CDC14B: variants seen among roughly 807,000 people sequenced by gnomAD.
CDC14B encodes dual specificity protein phosphatase CDC14B.
In CDC14B, 22 loss-of-function variants were observed where a neutral mutation model predicts 64.2. The ratio of observed to expected loss-of-function variants is 0.34; its 90% CI spans 0.24 to 0.49. The LOEUF (loss-of-function observed/expected upper bound fraction) is 0.49, where lower values mean the gene tolerates loss of function less well. CDC14B is among the 20% of genes least tolerant of loss of function. The probability of loss-of-function intolerance (pLI) is 0.99; values close to 1 mark genes in which losing one functional copy is unlikely to be tolerated. For synonymous variants in CDC14B, 191 were observed against 215.8 expected (o/e 0.89, Z 1.01); for missense variants, 498 against 629.9 (o/e 0.79, Z 2.24).
At chr9:96,498,926 G>A (rs2131196091), downstream of CDC14B, among the ~76,000 whole-genome samples, 1 of 152,378 alleles carries the variant, frequency 6.6e-6, no homozygotes, top group African/African-American at 2.4e-5. Flanking sequence ...GGTCCCTGCA[G>A]CCTGCTGCCT....
At chr9:96,551,109 TGC>T (rs1167386126) in intron 5 of CDC14B, among the ~76,000 whole-genome samples, 9 of 123,440 alleles carry the variant, frequency 7.3e-5, no homozygotes, top group African/African-American at 1.7e-4. Flanking sequence ...TTTTGGGGTT[TGC>T]TTTTTTTTTT....
At chr9:96,545,987 G>A (rs1337152120) in intron 5 of CDC14B, among the ~76,000 whole-genome samples, 2 of 152,190 alleles carry the variant, frequency 1.3e-5, no homozygotes, top group East Asian at 3.9e-4. Context: ...GGGCAGTGGG[G>A]AGGGATCCTT....
At position 96,619,232 on chromosome 9, in the gene CDC14B, G is replaced by A. The variant is rs778736639; in HGVS notation, c.147C>T (p.Tyr49=). Residue 49 remains tyrosine (Y), a synonymous_variant, in exon 1 of 14, where the codon TAC becomes TAT. Coordinates refer to ENST00000375241, the MANE Select transcript of CDC14B (RefSeq NM_033331.4). ...TGGCCGGCTCACCGGTGATGTCCAG[G>A]TACACGTCGTCCTGGGGGTCCCGGC... is the stretch of plus-strand genomic sequence containing the variant. ...PRRRDPQDDV[Y]LDITDRLCFA... is the part of the protein sequence containing the mutation. 44 of 1,346,182 alleles carry A rather than the reference G, an allele frequency of 3.3e-5. No individual in the cohort carries two copies. Among genetic ancestry groups the A allele is most frequent in the Non-Finnish European group, 4.1e-5 (43 of 1,044,290 alleles). The allele number at this position is 1,346,182 out of a possible 1,614,324, so 83.4% of individuals were successfully genotyped here.
intron 9 of CDC14B, 61 bp downstream of exon 9, chr9:96,533,866 G>GT: frequency 9.7e-7 from 1 of 1,033,762 alleles, no homozygotes; most frequent in Non-Finnish European, 1.4e-6. Flanking sequence ...AATATGGTCT[G>GT]TTTCTACATA....
In CDC14B at chr9:96,516,456, GTTTC is replaced by G. The variant is rs1389198645; in HGVS notation, c.1343+6046_1343+6049del. Reference sequence around the variant, plus strand: ...CATACTAGTTGGCTTTCAGCTTGGTGTTTCTTTCTTATTTTTTATTTTTTAATTA... The same window carrying G: ...CATACTAGTTGGCTTTCAGCTTGGTGTTTCTTATTTTTTATTTTTTAATTA... On this transcript the variant is annotated intron_variant, in intron 12 of 13. Coordinates refer to ENST00000375241, the MANE Select transcript of CDC14B (RefSeq NM_033331.4). Among the ~76,000 whole-genome samples, 10 of 152,156 alleles carry G rather than the reference GTTTC, an allele frequency of 6.6e-5. No homozygotes were observed. The South Asian group carries it at 8.3e-4, about 13-fold the overall frequency.
chr9:96,528,393 G>A (rs958183685), intron 9 of CDC14B, among the ~76,000 whole-genome samples: 11 of 152,054 alleles, frequency 7.2e-5, no homozygotes, highest in South Asian at 2.1e-4. Context: ...GTCATGGTGC[G>A]TGCCTGTCAT....
At chr9:96,508,913 G>C (rs187497061) in intron 13 of CDC14B, among the ~76,000 whole-genome samples, 1 of 152,142 alleles carries the variant, frequency 6.6e-6, no homozygotes, top group Non-Finnish European at 1.5e-5. Context: ...TCTTCAGGTC[G>C]CTCATGTCTA....
intron 9 of CDC14B, among the ~76,000 whole-genome samples, chr9:96,526,463 C>T (rs1291990357): frequency 2.6e-5 from 4 of 152,174 alleles, no homozygotes; most frequent in Non-Finnish European, 5.9e-5. Context: ...GGAGAGAGGC[C>T]TCCCCAGAAA....
At chr9:96,522,860 T>C (rs745488158) in intron 11 of CDC14B, among the ~76,000 whole-genome samples, 1 of 152,200 alleles carries the variant, frequency 6.6e-6, no homozygotes, top group Non-Finnish European at 1.5e-5. Context: ...GAAAACGCTC[T>C]TTTTAAAATC....
chr9:96,544,164 C>T (rs1840473452), intron 5 of CDC14B, among the ~76,000 whole-genome samples: 2 of 151,916 alleles, frequency 1.3e-5, no homozygotes, highest in Non-Finnish European at 2.9e-5. Context: ...TTGCAATGAG[C>T]CAAGATCGCA....
At chr9:96,579,584 C>CAA (rs547800275) in intron 1 of CDC14B, among the ~76,000 whole-genome samples, 14 of 94,684 alleles carry the variant, frequency 1.5e-4, no homozygotes, top group East Asian at 6.1e-4. Context: ...GACTCTGTCT[C>CAA]AAAAAAAAAA....
chr9:96,506,915 GACTCT>G (rs1834201366), intron 13 of CDC14B, among the ~76,000 whole-genome samples: 1 of 152,216 alleles, frequency 6.6e-6, no homozygotes, highest in African/African-American at 2.4e-5. Flanking sequence ...CAGGCTCCCG[GACTCT>G]ACTCTTCTGT....
intron 1 of CDC14B, among the ~76,000 whole-genome samples, chr9:96,585,460 C>G (rs1312931415): frequency 2.0e-5 from 3 of 151,634 alleles, no homozygotes; most frequent in African/African-American, 7.3e-5. Context: ...AAATGGGAAC[C>G]AGGGCAAAAG....
At position 96,618,632 on chromosome 9, in the gene CDC14B, G is replaced by C. The variant is rs372488884; in HGVS notation, c.160+587C>G. ...GGACCCCGGGAGGCGGAGGCGTTCGGGGGGCGCGCTAGGGGGCAGGGCGCG... is the reference window on the plus strand; with the variant it reads ...GGACCCCGGGAGGCGGAGGCGTTCGCGGGGCGCGCTAGGGGGCAGGGCGCG... On this transcript the variant is annotated intron_variant, in intron 1 of 13. Coordinates refer to ENST00000375241, the MANE Select transcript of CDC14B (RefSeq NM_033331.4). The C allele has an allele frequency of 1.9e-3, 1,016 of 529,336 alleles. 6 individuals are homozygous for C. The highest frequency in any genetic ancestry group is 3.0e-3 in the Non-Finnish European group (778 of 259,736). 32.8% of individuals were successfully genotyped at this position (529,336 alleles called of 1,614,324 possible).
intron 1 of CDC14B, among the ~76,000 whole-genome samples, chr9:96,606,192 G>C (rs1444197290): frequency 6.6e-6 from 1 of 151,362 alleles, no homozygotes; most frequent in Admixed American, 6.6e-5. Flanking sequence ...AAATAAGCGG[G>C]TGTGGTGATG....
intron 13 of CDC14B, among the ~76,000 whole-genome samples, chr9:96,506,948 C>A (rs1220765216): frequency 6.6e-6 from 1 of 152,224 alleles, no homozygotes; most frequent in Non-Finnish European, 1.5e-5. Flanking sequence ...AAAGCATAAT[C>A]TAAAAAAGCA....
At chr9:96,605,482 C>T (rs973916271) in intron 1 of CDC14B, among the ~76,000 whole-genome samples, 48 of 152,306 alleles carry the variant, frequency 3.2e-4, no homozygotes, top group Non-Finnish European at 3.7e-4. Context: ...GGTTCCCCTG[C>T]GGCCTCTAAC....
At chr9:96,513,296 T>C (rs1341231070) in intron 12 of CDC14B, among the ~76,000 whole-genome samples, 1 of 152,150 alleles carries the variant, frequency 6.6e-6, no homozygotes, top group Non-Finnish European at 1.5e-5. Flanking sequence ...TATGCACTGA[T>C]GAAATCGGGG....
intron 12 of CDC14B, among the ~76,000 whole-genome samples, chr9:96,512,741 A>G (rs984454946): frequency 2.0e-5 from 3 of 152,186 alleles, no homozygotes; most frequent in African/African-American, 7.2e-5. Flanking sequence ...CTGCTGCTTC[A>G]TTGCTACTTC....
Sources: gnomAD v4.1 joint callset for allele counts (sites outside exome capture counted in the v4.1 genomes callset) on GRCh38, gnomAD v4.1.1 for gene constraint, MANE v1.5 for transcripts, NCBI Gene and HGNC (gene_info 2026-07-23, HGNC 2026-07-21) for gene names.